Variants in CETN1 observed in about 807,000 individuals in gnomAD.
The protein encoded by CETN1 is centrin 1, also known as centrin-1.
CETN1 carries 6 observed loss-of-function variants against 8.1 expected under a neutral mutation model. The ratio of observed to expected loss-of-function variants is 0.74; its 90% CI spans 0.40 to 1.46. CETN1 has a LOEUF of 1.46. CETN1 is among the 40% of genes most tolerant of loss of function. The pLI is 0.02. For missense variants in CETN1, 215 were observed against 226.2 expected, an observed-to-expected ratio of 0.95 and a Z score of 0.32; for synonymous variants, 99 against 90.3, an observed-to-expected ratio of 1.10 and a Z score of -0.55.
chr18:581,810 CT>C lies in CETN1; in HGVS notation c.*884del, dbSNP rs1005462096. ...TATTATAACCTTAGTCATCTTATTACTGCTTGATTATGAGACACTCTCCCTG... is the reference window on the plus strand; with the variant it reads ...TATTATAACCTTAGTCATCTTATTACGCTTGATTATGAGACACTCTCCCTG... On this transcript the variant is annotated 3_prime_UTR_variant, in exon 1 of 1. Coordinates refer to ENST00000327228, the MANE Select transcript of CETN1 (RefSeq NM_004066.3). 299 of 166,940 alleles carry C rather than the reference CT, an allele frequency of 1.8e-3. 2 individuals carry two copies. The highest frequency in any genetic ancestry group is 6.9e-3 in the African/African-American group (288 of 41,540). 10.3% of individuals were successfully genotyped at this position (166,940 alleles called of 1,614,324 possible).
At position 580,584 on chromosome 18, in the gene CETN1, C is replaced by T; in HGVS notation, c.176C>T (p.Ala59Val). The T allele has an allele frequency of 6.2e-7, 1 of 1,614,136 alleles. No homozygotes were observed. Among genetic ancestry groups the T allele is most frequent in the Non-Finnish European group, 8.5e-7 (1 of 1,180,022 alleles). The change falls in exon 1 of 1, where the codon GCG (alanine) becomes GTG (valine). Residue 59 changes from alanine (A) to valine (V), a missense_variant. By Grantham distance (64) the Ala-to-Val change is moderately conservative (BLOSUM62 0). Transcript: ENST00000327228. This position sits in a 1 kb window ranked among gnomAD's most constrained non-coding sequence, Gnocchi z 6.1. ...DAKELKVAMRALGFEPRKEEM... is the reference protein window; with the variant it reads ...DAKELKVAMRVLGFEPRKEEM... ...AAGGAGCTGAAGGTGGCCATGAGAG[C>T]GCTGGGCTTCGAACCCAGGAAGGAA...
Position 580,429 on chromosome 18 carries a change from G to A in CETN1, c.21G>A (p.Lys7=), listed in dbSNP as rs2072542765. 6 of 1,573,300 alleles carry A rather than the reference G, an allele frequency of 3.8e-6. No individual in the cohort carries two copies. The highest frequency in any genetic ancestry group is 4.3e-6 in the Non-Finnish European group (5 of 1,162,848). ...GCAGGATGGCTTCCGGCTTCAAGAA[G>A]CCCAGCGCTGCCTCCACCGGCCAAA... MASGFK[K]PSAASTGQKR... Residue 7 remains lysine (K), a synonymous_variant, in exon 1 of 1, where the codon AAG becomes AAA. Transcript: ENST00000327228. This position sits in a 1 kb window ranked among gnomAD's most constrained non-coding sequence, Gnocchi z 6.1.
chr18:581,369 C>G lies in CETN1; in HGVS notation c.*442C>G, dbSNP rs111457289. On this transcript the variant is annotated 3_prime_UTR_variant, in exon 1 of 1. Coordinates refer to ENST00000327228, the MANE Select transcript of CETN1 (RefSeq NM_004066.3). Reference sequence around the variant, plus strand: ...GGAATCTGCCAGTAGATTTGCCTAGCCTGTCCACTTAGCTGAATACCAGTT... The same window carrying G: ...GGAATCTGCCAGTAGATTTGCCTAGGCTGTCCACTTAGCTGAATACCAGTT... The G allele has an allele frequency of 0.028, 4,869 of 174,770 alleles. 234 individuals carry two copies. The highest frequency in any genetic ancestry group is 0.11 in the African/African-American group (4,543 of 41,604). The allele number at this position is 174,770 out of a possible 1,614,324, so 10.8% of individuals were successfully genotyped here. A position where few individuals can be genotyped will look rare whatever the true frequency, so the allele number is the denominator to read the frequency against.
Position 580,466 on chromosome 18 carries a change from G to T in CETN1, c.58G>T (p.Ala20Ser), listed in dbSNP as rs774440635. The T allele has an allele frequency of 6.2e-7, 1 of 1,612,592 alleles. No individual in the cohort carries two copies. The highest frequency in any genetic ancestry group is 8.5e-7 in the Non-Finnish European group (1 of 1,179,322). ...AASTGQKRKV[A>S]PKPELTEDQK... The stretch of plus-strand genomic sequence containing the variant: ...CTCCACCGGCCAAAAGAGAAAGGTG[G>T]CACCTAAGCCCGAGCTCACTGAGGA... The change falls in exon 1 of 1, where the codon GCA (alanine) becomes TCA (serine). Residue 20 changes from alanine to serine, a missense_variant. Ala to Ser is a moderately conservative substitution (Grantham distance 99). Transcript: ENST00000327228. This position sits in a 1 kb window ranked among gnomAD's most constrained non-coding sequence, Gnocchi z 6.1.
At position 581,019 on chromosome 18, in the gene CETN1, C is replaced by A; in HGVS notation, c.*92C>A. On this transcript the variant is annotated 3_prime_UTR_variant, in exon 1 of 1. Transcript: ENST00000327228. ...AGCGGCTGCCTGTCCCTTCTTCACCCCCTCACCCCCATAATTTGTCTAGAT... is the reference window on the plus strand; with the variant it reads ...AGCGGCTGCCTGTCCCTTCTTCACCACCTCACCCCCATAATTTGTCTAGAT... The A allele has an allele frequency of 7.7e-7, 1 of 1,302,704 alleles. No individual in the cohort carries two copies. The highest frequency in any genetic ancestry group is 1.1e-6 in the Non-Finnish European group (1 of 942,836). The allele number at this position is 1,302,704 out of a possible 1,614,324, so 80.7% of individuals were successfully genotyped here.
Position 580,610 on chromosome 18 carries a change from G to T in CETN1, c.202G>T (p.Glu68Ter). ...RALGFEPRKEEMKKMISEVDR... is the reference protein window; with the variant it reads ...RALGFEPRKE ...GCTGGGCTTCGAACCCAGGAAGGAAGAGATGAAGAAAATGATCTCCGAGGT... is the reference window on the plus strand; with the variant it reads ...GCTGGGCTTCGAACCCAGGAAGGAATAGATGAAGAAAATGATCTCCGAGGT... The change falls in exon 1 of 1, where the codon GAG (glutamate) becomes TAG (stop). Residue 68 changes from glutamate (E) to a stop codon, truncating the protein, a stop_gained. Coordinates refer to ENST00000327228, the MANE Select transcript of CETN1 (RefSeq NM_004066.3). LOFTEE classifies it high-confidence loss of function. This position sits in a 1 kb window ranked among gnomAD's most constrained non-coding sequence, Gnocchi z 6.1. The T allele has an allele frequency of 2.5e-6, 4 of 1,614,168 alleles. No individual in the cohort carries two copies. The highest frequency in any genetic ancestry group is 3.4e-6 in the Non-Finnish European group (4 of 1,180,014).
rs2072547419 is a variant in CETN1, at chr18:580,996, C to T, written c.*69C>T. On this transcript the variant is annotated 3_prime_UTR_variant, in exon 1 of 1. Transcript: ENST00000327228. This position sits in a 1 kb window ranked among gnomAD's most constrained non-coding sequence, Gnocchi z 6.1. ...CATTTTGTGAAACCTTAGAGGACAGCGGCTGCCTGTCCCTTCTTCACCCCC... is the reference window on the plus strand; with the variant it reads ...CATTTTGTGAAACCTTAGAGGACAGTGGCTGCCTGTCCCTTCTTCACCCCC... 4 of 1,499,370 alleles carry T rather than the reference C, an allele frequency of 2.7e-6. No homozygotes were observed. The highest frequency in any genetic ancestry group is 2.8e-5 in the African/African-American group (2 of 71,742). The allele number at this position is 1,499,370 out of a possible 1,614,324, so 92.9% of individuals were successfully genotyped here.
chr18:580,779 A>C lies in CETN1; in HGVS notation c.371A>C (p.Lys124Thr). Reference sequence around the variant, plus strand: ...GATGAGACCGGGAAGATCTCGTTCAAAAACCTGAAGCGTGTGGCCAACGAG... The same window carrying C: ...GATGAGACCGGGAAGATCTCGTTCACAAACCTGAAGCGTGTGGCCAACGAG... The part of the protein sequence containing the change: ...DDDETGKISF[K>T]NLKRVANELG... Residue 124 changes from lysine (K) to threonine (T), a missense_variant, in exon 1 of 1, where the codon AAA (lysine) becomes ACA (threonine). Physicochemically the swap from Lys to Thr is moderately conservative, Grantham distance 78. Coordinates refer to ENST00000327228, the MANE Select transcript of CETN1 (RefSeq NM_004066.3). This position sits in a 1 kb window ranked among gnomAD's most constrained non-coding sequence, Gnocchi z 6.1. The C allele has an allele frequency of 1.2e-6, 2 of 1,614,036 alleles. No individual in the cohort carries two copies. The highest frequency in any genetic ancestry group is 1.7e-6 in the Non-Finnish European group (2 of 1,180,012).
In CETN1 at chr18:580,758, A is replaced by T; in HGVS notation, c.350A>T (p.Glu117Val). 6.2e-7 allele frequency: 1 copy of T among 1,614,018 alleles called. No individual in the cohort carries two copies. ...GCCTTCAGGCTCTTTGATGACGATGAGACCGGGAAGATCTCGTTCAAAAAC... is the reference window on the plus strand; with the variant it reads ...GCCTTCAGGCTCTTTGATGACGATGTGACCGGGAAGATCTCGTTCAAAAAC... ...LKAFRLFDDD[E>V]TGKISFKNLK... is the part of the protein sequence containing the mutation. The change falls in exon 1 of 1, where the codon GAG becomes GTG. Residue 117 changes from glutamate to valine, a missense_variant. By Grantham distance (121) the Glu-to-Val change is moderately radical. Coordinates refer to ENST00000327228, the MANE Select transcript of CETN1 (RefSeq NM_004066.3). This position sits in a 1 kb window ranked among gnomAD's most constrained non-coding sequence, Gnocchi z 6.1.
rs201796390 is a variant in CETN1, at chr18:580,574, G to A, written c.166G>A (p.Ala56Thr). ...CATCGACGCGAAGGAGCTGAAGGTG[G>A]CCATGAGAGCGCTGGGCTTCGAACC... The part of the protein sequence containing the change: ...GTIDAKELKV[A>T]MRALGFEPRK... Residue 56 changes from alanine to threonine, a missense_variant, in exon 1 of 1, where the codon GCC becomes ACC. Coordinates refer to ENST00000327228, the MANE Select transcript of CETN1 (RefSeq NM_004066.3). The surrounding 1 kb of genome is among the most constrained non-coding windows in gnomAD (Gnocchi z 6.1). The A allele has an allele frequency of 6.2e-7, 1 of 1,614,158 alleles. No individual in the cohort carries two copies. Among genetic ancestry groups the A allele is most frequent in the Admixed American group, 1.7e-5 (1 of 60,028 alleles).
rs2143868058 is a variant in CETN1, at chr18:580,489, G to A, written c.81G>A (p.Glu27=). 6.2e-7 allele frequency: 1 copy of A among 1,614,140 alleles called. No homozygotes were observed. The highest frequency in any genetic ancestry group is 8.5e-7 in the Non-Finnish European group (1 of 1,180,006). The part of the protein sequence containing the change: ...RKVAPKPELT[E]DQKQEVREAF... ...TGGCACCTAAGCCCGAGCTCACTGAGGATCAGAAGCAAGAAGTTCGGGAAG... is the reference window on the plus strand; with the variant it reads ...TGGCACCTAAGCCCGAGCTCACTGAAGATCAGAAGCAAGAAGTTCGGGAAG... Residue 27 remains glutamate (E), a synonymous_variant, in exon 1 of 1, where the codon GAG becomes GAA. Transcript: ENST00000327228. This position sits in a 1 kb window ranked among gnomAD's most constrained non-coding sequence, Gnocchi z 6.1.
rs970547680 is a variant in CETN1, at chr18:581,466, G to T, written c.*539G>T. On this transcript the variant is annotated 3_prime_UTR_variant, in exon 1 of 1. Transcript: ENST00000327228. ...AGATAATCTTATAAAGAATAGACTT[G>T]CTTGGGTGGTAGTACGTTGTGCAAT... 3 of 168,118 alleles carry T rather than the reference G, an allele frequency of 1.8e-5. No homozygotes were observed. The highest frequency in any genetic ancestry group is 7.2e-5 in the African/African-American group (3 of 41,456). The allele number at this position is 168,118 out of a possible 1,614,324, so 10.4% of individuals were successfully genotyped here.
rs560488383 is a variant in CETN1 at position 581,173 on chromosome 18, C to T, written c.*246C>T. 158 of 469,784 alleles carry T rather than the reference C, an allele frequency of 3.4e-4. 1 individual carries two copies. The highest frequency in any genetic ancestry group is 2.5e-3 in the African/African-American group (119 of 48,300). 29.1% of individuals were successfully genotyped at this position (469,784 alleles called of 1,614,324 possible). A position where few individuals can be genotyped will look rare whatever the true frequency, so the allele number is the denominator to read the frequency against. ...CAAAGGGCCCTGAAGTTTGAGTGCGCCCTCCATTTGCCCTGTGCTGAACTT... is the reference window on the plus strand; with the variant it reads ...CAAAGGGCCCTGAAGTTTGAGTGCGTCCTCCATTTGCCCTGTGCTGAACTT... On this transcript the variant is annotated 3_prime_UTR_variant, in exon 1 of 1. Coordinates refer to ENST00000327228, the MANE Select transcript of CETN1 (RefSeq NM_004066.3).
At position 580,763 on chromosome 18, in the gene CETN1, G is replaced by C; in HGVS notation, c.355G>C (p.Gly119Arg). ...CAGGCTCTTTGATGACGATGAGACC[G>C]GGAAGATCTCGTTCAAAAACCTGAA... Reference protein sequence around the residue: ...AFRLFDDDETGKISFKNLKRV... With the variant: ...AFRLFDDDETRKISFKNLKRV... Residue 119 changes from glycine to arginine, a missense_variant, in exon 1 of 1, where the codon GGG (glycine) becomes CGG (arginine). Physicochemically the swap from Gly to Arg is moderately radical, Grantham distance 125. Coordinates refer to ENST00000327228, the MANE Select transcript of CETN1 (RefSeq NM_004066.3). The surrounding 1 kb of genome is among the most constrained non-coding windows in gnomAD (Gnocchi z 6.1). The C allele has an allele frequency of 1.9e-6, 3 of 1,613,990 alleles. No individual in the cohort carries two copies. Among genetic ancestry groups the C allele is most frequent in the South Asian group, 2.2e-5 (2 of 91,076 alleles).
Position 581,018 on chromosome 18 carries a change from C to A in CETN1, c.*91C>A. On this transcript the variant is annotated 3_prime_UTR_variant, in exon 1 of 1. Transcript: ENST00000327228. ...CAGCGGCTGCCTGTCCCTTCTTCACCCCCTCACCCCCATAATTTGTCTAGA... is the reference window on the plus strand; with the variant it reads ...CAGCGGCTGCCTGTCCCTTCTTCACACCCTCACCCCCATAATTTGTCTAGA... 1 of 1,299,660 alleles carries A rather than the reference C, an allele frequency of 7.7e-7. No homozygotes were observed. The highest frequency in any genetic ancestry group is 1.1e-6 in the Non-Finnish European group (1 of 939,974). The allele number at this position is 1,299,660 out of a possible 1,614,324, so 80.5% of individuals were successfully genotyped here.
In CETN1 at chr18:580,455, A is replaced by C. The variant is rs1295507178; in HGVS notation, c.47A>C (p.Lys16Thr). The change falls in exon 1 of 1, where the codon AAG (lysine) becomes ACG (threonine). Residue 16 changes from lysine (K) to threonine (T), a missense_variant. Lys to Thr is a moderately conservative substitution (Grantham distance 78). Transcript: ENST00000327228. This position sits in a 1 kb window ranked among gnomAD's most constrained non-coding sequence, Gnocchi z 6.1. ...CCCAGCGCTGCCTCCACCGGCCAAA[A>C]GAGAAAGGTGGCACCTAAGCCCGAG... ...KKPSAASTGQ[K>T]RKVAPKPELT... 4.3e-6 allele frequency: 7 copies of C among 1,609,898 alleles called. No homozygotes were observed. The highest frequency in any genetic ancestry group is 5.9e-6 in the Non-Finnish European group (7 of 1,178,226).
At position 580,501 on chromosome 18, in the gene CETN1, A is replaced by G. The variant is rs750224613; in HGVS notation, c.93A>G (p.Gln31=). The change falls in exon 1 of 1, where the codon CAA becomes CAG. Residue 31 remains glutamine (Q), a synonymous_variant. Transcript: ENST00000327228. The surrounding 1 kb of genome is among the most constrained non-coding windows in gnomAD (Gnocchi z 6.1). ...PKPELTEDQK[Q]EVREAFDLFD... ...CCGAGCTCACTGAGGATCAGAAGCAAGAAGTTCGGGAAGCATTTGACCTCT... is the reference window on the plus strand; with the variant it reads ...CCGAGCTCACTGAGGATCAGAAGCAGGAAGTTCGGGAAGCATTTGACCTCT... The G allele has an allele frequency of 3.6e-5, 58 of 1,614,090 alleles. No individual in the cohort carries two copies. Among genetic ancestry groups the G allele is most frequent in the Middle Eastern group, 3.3e-4 (2 of 6,084 alleles).
Position 580,727 on chromosome 18 carries a change from C to T in CETN1, c.319C>T (p.Leu107=), listed in dbSNP as rs770746049. ...MSEKDTKEEI[L]KAFRLFDDDE... ...CGAGAAGGACACCAAAGAAGAAATC[C>T]TGAAGGCCTTCAGGCTCTTTGATGA... is the stretch of plus-strand genomic sequence containing the variant. Residue 107 remains leucine, a synonymous_variant, in exon 1 of 1, where the codon CTG becomes TTG. Transcript: ENST00000327228. This position sits in a 1 kb window ranked among gnomAD's most constrained non-coding sequence, Gnocchi z 6.1. 6.2e-7 allele frequency: 1 copy of T among 1,613,772 alleles called. No homozygotes were observed. Among genetic ancestry groups the T allele is most frequent in the African/African-American group, 1.3e-5 (1 of 74,892 alleles).
At position 580,817 on chromosome 18, in the gene CETN1, C is replaced by G; in HGVS notation, c.409C>G (p.Leu137Val). Residue 137 changes from leucine (L) to valine (V), a missense_variant, in exon 1 of 1, where the codon CTC becomes GTC. Leu to Val is a conservative substitution (Grantham distance 32, BLOSUM62 1). Transcript: ENST00000327228. The surrounding 1 kb of genome is among the most constrained non-coding windows in gnomAD (Gnocchi z 6.1). ...TGTGGCCAACGAGCTGGGGGAGAAC[C>G]TCACGGATGAGGAGCTGCAGGAGAT... ...KRVANELGEN[L>V]TDEELQEMID... The G allele has an allele frequency of 6.2e-7, 1 of 1,614,080 alleles. No homozygotes were observed. Among genetic ancestry groups the G allele is most frequent in the East Asian group, 2.2e-5 (1 of 44,870 alleles).
Sources: allele counts gnomAD v4.1 joint callset, GRCh38; gene constraint gnomAD v4.1.1; non-coding constraint Gnocchi (gnomAD v3.1); transcripts MANE v1.5; gene names NCBI Gene and HGNC (gene_info 2026-07-23, HGNC 2026-07-21).